Variants in ZC3H12B observed in about 807,000 individuals in gnomAD.
ZC3H12B encodes probable ribonuclease ZC3H12B.
A neutral mutation model predicts 43.9 loss-of-function variants in ZC3H12B; 7 were observed. The observed-to-expected ratio is 0.16, with a 90% confidence interval of 0.09 to 0.30. The LOEUF (loss-of-function observed/expected upper bound fraction) is 0.30. Ranked by LOEUF, ZC3H12B falls within the 10% of genes least tolerant of loss-of-function variation. The pLI is 1.00. For missense variants in ZC3H12B, 475 were observed against 670.2 expected, an observed-to-expected ratio of 0.71 and a Z score of 3.22; for synonymous variants, 222 against 241.7, an observed-to-expected ratio of 0.92 and a Z score of 0.76.
intron 2 of ZC3H12B, among the ~76,000 whole-genome samples, chrX:65,498,783 A>G: frequency 8.9e-6 from 1 of 112,034 alleles, no homozygotes; most frequent in Non-Finnish European, 1.9e-5. Context: ...CAGTTCCTTC[A>G]TTTTATCAAA....
At chrX:65,334,705 G>A in the ZC3H12B span, among the ~76,000 whole-genome samples, 462 of 111,447 alleles carry the variant, frequency 4.1e-3, 2 homozygotes, top group African/African-American at 0.013. Flanking sequence ...TCAGGGTGGG[G>A]CTCTTGGAGG....
At chrX:65,273,905 A>G in the ZC3H12B span, among the ~76,000 whole-genome samples, 1 of 112,590 alleles carries the variant, frequency 8.9e-6, no homozygotes, top group South Asian at 3.6e-4. Context: ...CTGACTAGAG[A>G]TGCCTTGTAT....
chrX:65,219,805 C>CAT, the ZC3H12B span, among the ~76,000 whole-genome samples: 1 of 93,119 alleles, frequency 1.1e-5, no homozygotes, highest in South Asian at 5.0e-4. Flanking sequence ...TACATACACA[C>CAT]ACATACACAC....
At chrX:65,131,730 A>G in the ZC3H12B span, among the ~76,000 whole-genome samples, 2 of 111,562 alleles carry the variant, frequency 1.8e-5, no homozygotes, top group Admixed American at 9.5e-5. Context: ...GGTTTGGGAG[A>G]TTAGCTGGAC....
the ZC3H12B span, among the ~76,000 whole-genome samples, chrX:65,294,855 A>T: frequency 9.0e-6 from 1 of 111,293 alleles, no homozygotes; most frequent in African/African-American, 3.3e-5. Context: ...CTACAAAACT[A>T]TAAGTACTAG....
chrX:65,437,327 ATTC>A (rs1321288381), intron 3 of ZC3H12B, among the ~76,000 whole-genome samples: 2 of 111,743 alleles, frequency 1.8e-5, no homozygotes, highest in Non-Finnish European at 3.8e-5. Flanking sequence ...CCTGATAATA[ATTC>A]TTCTACCCTC....
chrX:65,408,003 T>A, intron 3 of ZC3H12B: 1 of 1,066,082 alleles, frequency 9.4e-7, no homozygotes, highest in African/African-American at 1.8e-5. Context: ...CCGGCTTAAT[T>A]TTCCTCGGCG....
At chrX:65,323,099 C>CAGT in the ZC3H12B span, among the ~76,000 whole-genome samples, 1 of 111,853 alleles carries the variant, frequency 8.9e-6, no homozygotes, top group Non-Finnish European at 1.9e-5. Flanking sequence ...CAAACAGCAA[C>CAGT]TATTTAACTT....
intron 2 of ZC3H12B, among the ~76,000 whole-genome samples, chrX:65,370,251 G>A (rs2066227263): frequency 9.0e-6 from 1 of 111,374 alleles, no homozygotes; most frequent in Non-Finnish European, 1.9e-5. Context: ...ATTAAGTATG[G>A]CAAAATCATA....
the ZC3H12B span, among the ~76,000 whole-genome samples, chrX:65,179,978 G>A: frequency 8.9e-6 from 1 of 111,847 alleles, no homozygotes; most frequent in Non-Finnish European, 1.9e-5. Flanking sequence ...AATAGAAAAA[G>A]AGGGACTTCT....
At chrX:65,406,363 T>A (rs185790983) in intron 3 of ZC3H12B, among the ~76,000 whole-genome samples, 3 of 29,365 alleles carry the variant, frequency 1.0e-4, no homozygotes, top group African/African-American at 4.2e-4. Context: ...ATCAATGCGA[T>A]ACATCATAGC....
the ZC3H12B span, among the ~76,000 whole-genome samples, chrX:65,235,515 C>T: frequency 9.0e-6 from 1 of 111,288 alleles, no homozygotes; most frequent in East Asian, 2.9e-4. Context: ...TCTGCCTGGG[C>T]CTCCCTCAGG....
At chrX:65,209,617 A>C in the ZC3H12B span, among the ~76,000 whole-genome samples, 1 of 108,394 alleles carries the variant, frequency 9.2e-6, no homozygotes, top group Non-Finnish European at 1.9e-5. Flanking sequence ...TCAATTTTGG[A>C]ATAGGTGTGG....
At chrX:65,216,750 C>A in the ZC3H12B span, among the ~76,000 whole-genome samples, 1 of 111,966 alleles carries the variant, frequency 8.9e-6, no homozygotes, top group South Asian at 3.7e-4. Context: ...TTTCTTACAA[C>A]ATGAGTACTA....
chrX:65,134,506 A>T, the ZC3H12B span, among the ~76,000 whole-genome samples: 3 of 111,879 alleles, frequency 2.7e-5, no homozygotes, highest in South Asian at 1.1e-3. Context: ...ATTGAAGGGT[A>T]GCAAAAGAGG....
At chrX:65,255,940 A>G in the ZC3H12B span, among the ~76,000 whole-genome samples, 1 of 112,654 alleles carries the variant, frequency 8.9e-6, no homozygotes, top group Non-Finnish European at 1.9e-5. Context: ...AAAGTCAAAG[A>G]AGGCCAATTC....
At chrX:65,211,088 GAAAAAAA>G in the ZC3H12B span, among the ~76,000 whole-genome samples, 2 of 63,382 alleles carry the variant, frequency 3.2e-5, no homozygotes, top group African/African-American at 1.1e-4. Context: ...AAAAAAGAAA[GAAAAAAA>G]AAAAAAAAAG....
At chrX:65,056,118 T>C in the ZC3H12B span, among the ~76,000 whole-genome samples, 1 of 112,264 alleles carries the variant, frequency 8.9e-6, no homozygotes, top group South Asian at 3.7e-4. Flanking sequence ...TAATTCTTTC[T>C]TGCCTTCTGC....
the ZC3H12B span, among the ~76,000 whole-genome samples, chrX:65,140,212 G>A: frequency 4.5e-5 from 5 of 111,561 alleles, no homozygotes; most frequent in African/African-American, 1.6e-4. Flanking sequence ...GTTGAGTAGA[G>A]TATGATGTTA....
Sources: gnomAD v4.1 joint callset for allele counts (sites outside exome capture counted in the v4.1 genomes callset) on GRCh38, gnomAD v4.1.1 for gene constraint, MANE v1.5 for transcripts, NCBI Gene and HGNC (gene_info 2026-07-23, HGNC 2026-07-21) for gene names.